The following ACTN1 variants were observed in gnomAD, a reference collection of about 807,000 sequenced individuals.
ACTN1 encodes the protein actinin alpha 1.
In ACTN1, 30 loss-of-function variants were observed where a neutral mutation model predicts 119.6. The ratio of observed to expected loss-of-function variants is 0.25; its 90% CI spans 0.19 to 0.34. The LOEUF (loss-of-function observed/expected upper bound fraction) is 0.34. ACTN1 is among the 10% of genes least tolerant of loss of function. ACTN1 has a pLI of 1.00. For missense variants in ACTN1, 764 were observed against 1,223.4 expected, an observed-to-expected ratio of 0.62 and a Z score of 5.60; for synonymous variants, 429 against 472.6, an observed-to-expected ratio of 0.91 and a Z score of 1.20.
At chr14:68,933,609 G>A (rs868117373) in intron 1 of ACTN1, among the ~76,000 whole-genome samples, 1 of 152,122 alleles carries the variant, frequency 6.6e-6, no homozygotes. Context: ...GAGGTGGCCC[G>A]GGGCAGAAGC....
chr14:68,892,173 C>T lies in ACTN1; in HGVS notation c.966G>A (p.Leu322=). The T allele has an allele frequency of 6.2e-7, 1 of 1,614,166 alleles. No individual in the cohort carries two copies. The highest frequency in any genetic ancestry group is 8.5e-7 in the Non-Finnish European group (1 of 1,180,040). ...TCTCCTGCACCTTGGGCGGCTTGTGCAGGCGCCGGTAGTCCCGGAAGTCCT... is the reference window on the plus strand; with the variant it reads ...TCTCCTGCACCTTGGGCGGCTTGTGTAGGCGCCGGTAGTCCCGGAAGTCCT... ...KLEDFRDYRR[L]HKPPKVQEKC... The change falls in exon 10 of 22, where the codon CTG becomes CTA. Residue 322 remains leucine, a synonymous_variant. Coordinates refer to ENST00000394419, the MANE Select transcript of ACTN1 (RefSeq NM_001130004.2).
chr14:68,880,843 G>A lies in ACTN1; in HGVS notation c.2100C>T (p.Ile700=), dbSNP rs577992605. The change falls in exon 17 of 22, where the codon ATC becomes ATT. Residue 700 remains isoleucine (I), a synonymous_variant. Coordinates refer to ENST00000394419, the MANE Select transcript of ACTN1 (RefSeq NM_001130004.2). This position sits in a 1 kb window ranked among gnomAD's most constrained non-coding sequence, Gnocchi z 4.6. ...GDHQLIQEAL[I]FDNKHTNYTM... Reference sequence around the variant, plus strand: ...TGTAGTTGGTGTGCTTGTTGTCGAAGATGAGCGCCTCCTGGATGAGCTGGT... The same window carrying A: ...TGTAGTTGGTGTGCTTGTTGTCGAAAATGAGCGCCTCCTGGATGAGCTGGT... 7.4e-6 allele frequency: 12 copies of A among 1,614,186 alleles called. No homozygotes were observed. In the East Asian group the frequency reaches 2.5e-4, roughly 33 times the overall value.
At chr14:68,898,156 A>G (rs1038001202) in intron 8 of ACTN1, among the ~76,000 whole-genome samples, 3 of 152,194 alleles carry the variant, frequency 2.0e-5, no homozygotes, top group African/African-American at 7.2e-5. Context: ...ATGGCTCATG[A>G]ATTTCTCTCA....
chr14:68,934,830 A>C (rs780954920), intron 1 of ACTN1, among the ~76,000 whole-genome samples: 9 of 152,356 alleles, frequency 5.9e-5, no homozygotes, highest in Middle Eastern at 3.4e-3. Flanking sequence ...ATATATAATT[A>C]ACCAAAAAAA....
chr14:68,879,827 G>C lies in ACTN1; in HGVS notation c.2280+135C>G. On this transcript the variant is annotated intron_variant, in intron 18 of 21. Transcript: ENST00000394419. The surrounding 1 kb of genome is among the most constrained non-coding windows in gnomAD (Gnocchi z 4.9). ...TGGTTTTGCAGGGTGCATTGAGTCA[G>C]GGCAGGCTGACGGCAGTTTCCCCTT... 7.7e-7 allele frequency: 1 copy of C among 1,303,738 alleles called. No homozygotes were observed. Among genetic ancestry groups the C allele is most frequent in the East Asian group, 2.5e-5 (1 of 40,024 alleles). The allele number at this position is 1,303,738 out of a possible 1,614,324, so 80.8% of individuals were successfully genotyped here. A position where few individuals can be genotyped will look rare whatever the true frequency, so the allele number is the denominator to read the frequency against.
At position 68,880,034 on chromosome 14, in the gene ACTN1, C is replaced by A. The variant is rs777559250; in HGVS notation, c.2208G>T (p.Leu736=). The A allele has an allele frequency of 6.2e-6, 10 of 1,614,212 alleles. 1 individual carries two copies. The South Asian group carries it at 1.1e-4, about 18-fold the overall frequency. The change falls in exon 18 of 22, where the codon CTG becomes CTT. Residue 736 remains leucine, a synonymous_variant. Transcript: ENST00000394419. The surrounding 1 kb of genome is among the most constrained non-coding windows in gnomAD (Gnocchi z 4.6). ...RTINEVENQI[L]TRDAKGISQE... is the part of the protein sequence containing the mutation. ...GGCTGATGCCCTTGGCATCCCGGGT[C>A]AGGATCTGGTTCTCTACCTCATTGA...
At chr14:68,937,240 A>C (rs1405540830) in intron 1 of ACTN1, among the ~76,000 whole-genome samples, 1 of 152,120 alleles carries the variant, frequency 6.6e-6, no homozygotes, top group Non-Finnish European at 1.5e-5. Context: ...TTTTCAAAAA[A>C]AAAAGAAAAA....
chr14:68,874,604 T>C lies in ACTN1; in HGVS notation c.*255A>G, dbSNP rs529075691. On this transcript the variant is annotated 3_prime_UTR_variant, in exon 22 of 22. Transcript: ENST00000394419. ...AATCTTTCCTCTTTTTTTCCATTTG[T>C]CTGGTGGAGAAAAAATACTTTTTCT... is the stretch of plus-strand genomic sequence containing the variant. The C allele has an allele frequency of 9.0e-4, 313 of 346,882 alleles. 3 individuals are homozygous for C. The highest frequency in any genetic ancestry group is 3.9e-4 in the Non-Finnish European group (76 of 194,672). 21.5% of individuals were successfully genotyped at this position (346,882 alleles called of 1,614,324 possible).
At chr14:68,938,350 G>T (rs918804677) in intron 1 of ACTN1, among the ~76,000 whole-genome samples, 12 of 152,104 alleles carry the variant, frequency 7.9e-5, no homozygotes, top group Non-Finnish European at 1.6e-4. Context: ...GAGTAGGGGG[G>T]ACTGGGGGTG....
At chr14:68,974,998 T>C (rs1023973206) in intron 1 of ACTN1, among the ~76,000 whole-genome samples, 3 of 152,232 alleles carry the variant, frequency 2.0e-5, no homozygotes, top group Admixed American at 6.5e-5. Context: ...CCCAGCCCCA[T>C]GCCTTCCTCG....
At chr14:68,896,129 C>A (rs936045422) in intron 8 of ACTN1, among the ~76,000 whole-genome samples, 1 of 152,116 alleles carries the variant, frequency 6.6e-6, no homozygotes, top group Non-Finnish European at 1.5e-5. Context: ...GCAGACTCCA[C>A]CGGGTTCCCT....
intron 8 of ACTN1, among the ~76,000 whole-genome samples, chr14:68,900,038 C>T (rs1282370990): frequency 1.3e-5 from 2 of 151,970 alleles, no homozygotes; most frequent in Non-Finnish European, 2.9e-5. Context: ...TGGGCAGGCT[C>T]GGGGGATACC....
chr14:68,972,880 C>A (rs1362796532), intron 1 of ACTN1, among the ~76,000 whole-genome samples: 1 of 152,166 alleles, frequency 6.6e-6, no homozygotes, highest in Non-Finnish European at 1.5e-5. Context: ...ATGTAGAGTC[C>A]TTAGGACAAT....
intron 1 of ACTN1, among the ~76,000 whole-genome samples, chr14:68,969,345 C>T (rs2036804991): frequency 6.6e-6 from 1 of 152,194 alleles, no homozygotes; most frequent in Non-Finnish European, 1.5e-5. Context: ...AGGGGTCTGG[C>T]CCCATTTCCC....
intron 1 of ACTN1, among the ~76,000 whole-genome samples, chr14:68,941,050 G>C (rs1261303984): frequency 1.3e-5 from 2 of 152,154 alleles, no homozygotes; most frequent in Non-Finnish European, 2.9e-5. Flanking sequence ...CATCAGTTCT[G>C]TCAACTGCTT....
chr14:68,944,378 C>G (rs968987318), intron 1 of ACTN1, among the ~76,000 whole-genome samples: 1 of 152,196 alleles, frequency 6.6e-6, no homozygotes, highest in African/African-American at 2.4e-5. Flanking sequence ...TCTACAGACT[C>G]GCCCAGGCTC....
chr14:68,884,052 T>A, intron 14 of ACTN1, 116 bp downstream of exon 14: 1 of 1,101,398 alleles, frequency 9.1e-7, no homozygotes, highest in Non-Finnish European at 1.3e-6. Flanking sequence ...AGGTTCTGGG[T>A]CTATAAAATC....
intron 8 of ACTN1, among the ~76,000 whole-genome samples, chr14:68,895,290 G>A (rs1160891771): frequency 6.6e-6 from 1 of 152,156 alleles, no homozygotes; most frequent in Non-Finnish European, 1.5e-5. Context: ...CTGTCCTGGA[G>A]ATGCCATGAC....
At position 68,878,970 on chromosome 14, in the gene ACTN1, C is replaced by T. The variant is rs1455254996; in HGVS notation, c.2361+19G>A. ...CCCAGACGCCACCCCTGAGCGTGCT[C>T]CATGCAGGAGGCGAGTACCTGGGGG... On this transcript the variant is annotated intron_variant, in intron 19 of 21. Coordinates refer to ENST00000394419, the MANE Select transcript of ACTN1 (RefSeq NM_001130004.2). This position sits in a 1 kb window ranked among gnomAD's most constrained non-coding sequence, Gnocchi z 4.4. 12 of 1,613,144 alleles carry T rather than the reference C, an allele frequency of 7.4e-6. No individual in the cohort carries two copies. The highest frequency in any genetic ancestry group is 1.0e-5 in the Non-Finnish European group (12 of 1,179,820).
Sources: allele counts gnomAD v4.1 joint callset (sites outside exome capture counted in the v4.1 genomes callset), GRCh38; gene constraint gnomAD v4.1.1; non-coding constraint Gnocchi (gnomAD v3.1); transcripts MANE v1.5; gene names NCBI Gene and HGNC (gene_info 2026-07-23, HGNC 2026-07-21).